The following SLCO3A1 variants were observed in gnomAD, a reference collection of about 807,000 sequenced individuals.
The protein encoded by SLCO3A1 is solute carrier organic anion transporter family member 3A1.
Under a neutral mutation model 63.1 loss-of-function variants are expected in SLCO3A1, and 27 were observed. The observed-to-expected ratio is 0.43, with a 90% CI of 0.32 to 0.59. The LOEUF (loss-of-function observed/expected upper bound fraction) is 0.59. Ranked by LOEUF, SLCO3A1 falls within the 20% of genes least tolerant of loss-of-function variation. SLCO3A1 has a pLI of 0.09. For synonymous variants in SLCO3A1, 473 were observed against 409.9 expected, an observed-to-expected ratio of 1.15 and a Z score of -1.86; for missense variants, 773 against 945.8, an observed-to-expected ratio of 0.82 and a Z score of 2.40.
intron 1 of SLCO3A1, among the ~76,000 whole-genome samples, chr15:91,880,413 G>GTGTGTGTA (rs1555446487): frequency 1.3e-5 from 2 of 151,096 alleles, no homozygotes; most frequent in African/African-American, 4.9e-5. Context: ...CTCTCTCTGT[G>GTGTGTGTA]TGTGTGTGTG....
At chr15:91,956,192 A>T (rs1597154649) in intron 2 of SLCO3A1, among the ~76,000 whole-genome samples, 2 of 152,172 alleles carry the variant, frequency 1.3e-5, no homozygotes, top group Admixed American at 1.3e-4. Context: ...CTTCCTGCTG[A>T]GGCTGGTTGG....
intron 9 of SLCO3A1, among the ~76,000 whole-genome samples, chr15:92,151,375 T>G (rs917525904): frequency 8.5e-5 from 13 of 152,176 alleles, no homozygotes; most frequent in Non-Finnish European, 1.9e-4. Flanking sequence ...GGCCGCCAGC[T>G]GGGAGAGAGA....
chr15:92,081,153 G>A (rs1369803809), intron 2 of SLCO3A1, among the ~76,000 whole-genome samples: 1 of 152,016 alleles, frequency 6.6e-6, no homozygotes, highest in Non-Finnish European at 1.5e-5. Flanking sequence ...ACTGTTGACT[G>A]TAGTCACCCT....
At chr15:92,082,838 C>A (rs1481142346) in intron 2 of SLCO3A1, among the ~76,000 whole-genome samples, 1 of 152,196 alleles carries the variant, frequency 6.6e-6, no homozygotes, top group East Asian at 1.9e-4. Context: ...CCTGCTCTTT[C>A]TCTAGGAACT....
intron 1 of SLCO3A1, among the ~76,000 whole-genome samples, chr15:91,880,158 C>T (rs71411116): frequency 0.13 from 16,448 of 123,388 alleles, 1,307 homozygotes; most frequent in Middle Eastern, 0.21. Flanking sequence ...TCCATCCATC[C>T]ATCCATCCAT....
At chr15:91,961,664 T>C (rs987729193) in intron 2 of SLCO3A1, among the ~76,000 whole-genome samples, 1 of 152,228 alleles carries the variant, frequency 6.6e-6, no homozygotes, top group African/African-American at 2.4e-5. Flanking sequence ...GGTCTTCCCA[T>C]CAGAGAGGCC....
At chr15:92,119,303 A>G (rs2047832711) in intron 4 of SLCO3A1, among the ~76,000 whole-genome samples, 1 of 152,254 alleles carries the variant, frequency 6.6e-6, no homozygotes, top group Non-Finnish European at 1.5e-5. Context: ...AGTGGCATAT[A>G]AAACCACATG....
chr15:92,130,899 A>C (rs1389915780), intron 7 of SLCO3A1, among the ~76,000 whole-genome samples: 2 of 151,738 alleles, frequency 1.3e-5, no homozygotes, highest in South Asian at 2.1e-4. Flanking sequence ...AAAAAAAAAA[A>C]AAAAAAAAAA....
At chr15:92,160,841 T>G (rs1412069198) in intron 9 of SLCO3A1, among the ~76,000 whole-genome samples, 1 of 152,162 alleles carries the variant, frequency 6.6e-6, no homozygotes, top group East Asian at 1.9e-4. Context: ...TCTCCCCAAC[T>G]GCCTTTGGAG....
At chr15:92,171,183 A>C (rs1181770594) in intron 10 of SLCO3A1, 1 of 152,450 alleles carries the variant, frequency 6.6e-6, no homozygotes, top group Admixed American at 6.5e-5. Flanking sequence ...GTGAATCATC[A>C]CTGAGACTAG....
chr15:91,909,569 T>A (rs762138550), intron 1 of SLCO3A1, among the ~76,000 whole-genome samples: 7 of 152,166 alleles, frequency 4.6e-5, no homozygotes, highest in Non-Finnish European at 1.0e-4. Flanking sequence ...TGCTGCTGAG[T>A]GTGCAGTTTG....
chr15:92,069,089 TCCCCCCGCCCC>T (rs1208406536), intron 2 of SLCO3A1, among the ~76,000 whole-genome samples: 15 of 59,150 alleles, frequency 2.5e-4, no homozygotes, highest in East Asian at 1.3e-3. Flanking sequence ...ATTCAAGGGC[TCCCCCCGCCCC>T]CCCCCCGCCA....
chr15:92,136,769 G>T (rs115013239), intron 7 of SLCO3A1, among the ~76,000 whole-genome samples: 2,172 of 152,232 alleles, frequency 0.014, 64 homozygotes, highest in African/African-American at 0.049. Flanking sequence ...CCAAATAGAT[G>T]ATTGCTGTCC....
intron 2 of SLCO3A1, among the ~76,000 whole-genome samples, chr15:92,010,193 T>C (rs1209682888): frequency 1.3e-5 from 2 of 152,250 alleles, no homozygotes; most frequent in Non-Finnish European, 2.9e-5. Context: ...GATGCTAGAC[T>C]GCAGAGTAGA....
At chr15:91,932,901 C>T (rs969021532) in intron 2 of SLCO3A1, among the ~76,000 whole-genome samples, 14 of 152,238 alleles carry the variant, frequency 9.2e-5, no homozygotes, top group African/African-American at 3.4e-4. Context: ...CATCATGGGA[C>T]ACATGTAGCT....
chr15:91,889,052 ATTAT>A, intron 1 of SLCO3A1: 2 of 750,850 alleles, frequency 2.7e-6, no homozygotes, highest in South Asian at 4.7e-5. Flanking sequence ...AAAACCTACA[ATTAT>A]TACTAGCTAA....
At chr15:92,058,044 C>T (rs1004273091) in intron 2 of SLCO3A1, among the ~76,000 whole-genome samples, 8 of 152,114 alleles carry the variant, frequency 5.3e-5, no homozygotes, top group Non-Finnish European at 1.2e-4. Flanking sequence ...GTGACTTGCC[C>T]GTGGTCACAC....
intron 2 of SLCO3A1, among the ~76,000 whole-genome samples, chr15:92,070,927 T>G (rs1034128533): frequency 2.0e-5 from 3 of 152,198 alleles, no homozygotes; most frequent in Non-Finnish European, 2.9e-5. Flanking sequence ...TATGGACATT[T>G]TATCACAATT....
At chr15:91,909,455 C>T (rs1197492766) in intron 1 of SLCO3A1, among the ~76,000 whole-genome samples, 1 of 152,084 alleles carries the variant, frequency 6.6e-6, no homozygotes, top group South Asian at 2.1e-4. Flanking sequence ...TATGCCAGAC[C>T]CTGTTCAGGA....
Sources: allele counts gnomAD v4.1 joint callset (sites outside exome capture counted in the v4.1 genomes callset), GRCh38; gene constraint gnomAD v4.1.1; transcripts MANE v1.5; gene names NCBI Gene and HGNC (gene_info 2026-07-23, HGNC 2026-07-21).